The following LOXL1 variants were observed in gnomAD, a reference collection of about 807,000 sequenced individuals.
The protein encoded by LOXL1 is lysyl oxidase homolog 1.
Under a neutral mutation model 62.2 loss-of-function variants are expected in LOXL1, and 31 were observed. The ratio of observed to expected loss-of-function variants is 0.50; its 90% confidence interval spans 0.37 to 0.67. The LOEUF (loss-of-function observed/expected upper bound fraction) is 0.67, where lower values mean the gene tolerates loss of function less well. LOXL1 is among the 30% of genes least tolerant of loss of function. The probability of loss-of-function intolerance (pLI) is 0.00; values close to 1 mark genes in which losing one functional copy is unlikely to be tolerated. For missense variants in LOXL1, 775 were observed against 843.4 expected (o/e 0.92, Z 1.00); for synonymous variants, 403 against 384.4 (o/e 1.05, Z -0.56).
At position 73,946,647 on chromosome 15, in the gene LOXL1, G is replaced by A; in HGVS notation, c.1349+93G>A. ...GCTCCCCTCCCACCATGAGCACTCT[G>A]GGAGACACAGATACTGGATTAGAGG... On this transcript the variant is annotated intron_variant, in intron 3 of 6. Transcript: ENST00000261921. The A allele has an allele frequency of 2.1e-6, 3 of 1,425,268 alleles. No homozygotes were observed. The South Asian group carries it at 3.9e-5, about 19-fold the overall frequency. 88.3% of individuals were successfully genotyped at this position (1,425,268 alleles called of 1,614,324 possible).
At chr15:73,946,849 G>A (rs1377995686) in intron 3 of LOXL1, among the ~76,000 whole-genome samples, 1 of 152,242 alleles carries the variant, frequency 6.6e-6, no homozygotes, top group African/African-American at 2.4e-5. Context: ...GCCCAAAAAG[G>A]AAGTGAGGGG....
intron 2 of LOXL1, among the ~76,000 whole-genome samples, chr15:73,944,876 G>C (rs2068737388): frequency 6.6e-6 from 1 of 152,208 alleles, no homozygotes; most frequent in Non-Finnish European, 1.5e-5. Flanking sequence ...CTGGCAGACA[G>C]TCTGAGCCGC....
intron 1 of LOXL1, among the ~76,000 whole-genome samples, chr15:73,938,332 A>G (rs2068690613): frequency 9.0e-6 from 1 of 111,164 alleles, no homozygotes; most frequent in African/African-American, 3.3e-5. Context: ...GATAGATAGA[A>G]CAGGAGGCCA....
At chr15:73,947,945 A>G (rs755218247) in intron 5 of LOXL1, 43 bp downstream of exon 5, 7 of 1,406,624 alleles carry the variant, frequency 5.0e-6, no homozygotes, top group Non-Finnish European at 7.0e-6. Flanking sequence ...CCTGATGTTC[A>G]TGTCCAATGT....
At chr15:73,938,761 A>G (rs1346017839) in intron 1 of LOXL1, among the ~76,000 whole-genome samples, 1 of 152,030 alleles carries the variant, frequency 6.6e-6, no homozygotes, top group African/African-American at 2.4e-5. Context: ...CACGCCTGCA[A>G]TCCCAGGACT....
chr15:73,950,393 TAA>T (rs2068775925), intron 6 of LOXL1, among the ~76,000 whole-genome samples: 1 of 152,134 alleles, frequency 6.6e-6, no homozygotes, highest in Admixed American at 6.5e-5. Flanking sequence ...TATCTTTCCC[TAA>T]AAGTGTGTAC....
intron 1 of LOXL1, among the ~76,000 whole-genome samples, chr15:73,940,763 G>A (rs2068708489): frequency 6.6e-6 from 1 of 152,214 alleles, no homozygotes; most frequent in Non-Finnish European, 1.5e-5. Flanking sequence ...CAGGCACAGG[G>A]CTCAGTGTGT....
intron 5 of LOXL1, 134 bp from the exon 6 acceptor site, chr15:73,949,325 G>A (rs2068768228): frequency 1.4e-6 from 1 of 709,068 alleles, no homozygotes; most frequent in Non-Finnish European, 2.6e-6. Flanking sequence ...CTCTCTAGCA[G>A]TGTGTCTCTG....
intron 1 of LOXL1, among the ~76,000 whole-genome samples, chr15:73,932,772 C>G (rs2068644174): frequency 6.6e-6 from 1 of 152,228 alleles, no homozygotes; most frequent in African/African-American, 2.4e-5. Context: ...AGCGACTTGC[C>G]CTGGAGGCAG....
At position 73,949,441 on chromosome 15, in the gene LOXL1, G is replaced by A. The variant is rs761559141; in HGVS notation, c.1603-18G>A. ...CCCTGACTAGACTCCCTTTCTCCCT[G>A]TTTCTCTTCTTCCTCAGGTGCACGT... is the stretch of plus-strand genomic sequence containing the variant. On this transcript the variant is annotated intron_variant, in intron 5 of 6. Transcript: ENST00000261921. The A allele has an allele frequency of 6.7e-7, 1 of 1,493,706 alleles. No homozygotes were observed. The highest frequency in any genetic ancestry group is 9.3e-7 in the Non-Finnish European group (1 of 1,070,046). The allele number at this position is 1,493,706 out of a possible 1,614,324, so 92.5% of individuals were successfully genotyped here.
Position 73,951,847 on chromosome 15 carries a change from G to A in LOXL1, c.*10G>A. On this transcript the variant is annotated 3_prime_UTR_variant, in exon 7 of 7. Coordinates refer to ENST00000261921, the MANE Select transcript of LOXL1 (RefSeq NM_005576.4). The stretch of plus-strand genomic sequence containing the variant: ...CTTCCTCAGATCCTGATCTCCGGGA[G>A]GGACAGATGGCCAATCTCTCCCCTT... 1.9e-6 allele frequency: 3 copies of A among 1,543,798 alleles called. No homozygotes were observed. Among genetic ancestry groups the A allele is most frequent in the Non-Finnish European group, 1.8e-6 (2 of 1,140,758 alleles).
At chr15:73,931,305 G>T (rs74026308) in intron 1 of LOXL1, among the ~76,000 whole-genome samples, 31,485 of 151,834 alleles carry the variant, frequency 0.21, 3,725 homozygotes, top group African/African-American at 0.32. Context: ...GGCCAGGAGA[G>T]AACCGCAGCT....
rs973917659 is a variant in LOXL1, at chr15:73,947,871, C to G, written c.1571C>G (p.Thr524Ser). ...ATCGACTGCCAGTGGATCGACATAA[C>G]CGACGTGCAGCCTGGGAACTACATC... ...ADIDCQWIDI[T>S]DVQPGNYILK... is the part of the protein sequence containing the mutation. Residue 524 changes from threonine (T) to serine (S), a missense_variant, in exon 5 of 7, where the codon ACC becomes AGC. Transcript: ENST00000261921. The G allele has an allele frequency of 6.2e-7, 1 of 1,613,888 alleles. No homozygotes were observed. Among genetic ancestry groups the G allele is most frequent in the Admixed American group, 1.7e-5 (1 of 59,992 alleles).
chr15:73,933,638 CAGTAGCTCCCT>C (rs368942573), intron 1 of LOXL1, among the ~76,000 whole-genome samples: 1 of 152,246 alleles, frequency 6.6e-6, no homozygotes, highest in Non-Finnish European at 1.5e-5. Context: ...TACCCCTCTC[CAGTAGCTCCCT>C]AGTAGCTCCT....
At chr15:73,931,089 C>A (rs28588430) in intron 1 of LOXL1, among the ~76,000 whole-genome samples, 1 of 151,698 alleles carries the variant, frequency 6.6e-6, no homozygotes, top group Non-Finnish European at 1.5e-5. Flanking sequence ...TTAGTGCCAC[C>A]TAAGAAGCCC....
chr15:73,932,942 A>G (rs1047011393), intron 1 of LOXL1, among the ~76,000 whole-genome samples: 1 of 152,122 alleles, frequency 6.6e-6, no homozygotes, highest in Non-Finnish European at 1.5e-5. Context: ...TTCTCCTTTG[A>G]GAGTCATCAG....
At position 73,943,159 on chromosome 15, in the gene LOXL1, C is replaced by T. The variant is rs2304719; in HGVS notation, c.1211+197C>T. 0.3 allele frequency among the ~76,000 whole-genome samples: 45,407 copies of T among 152,058 alleles called. 7,076 individuals carry two copies. Among genetic ancestry groups the T allele is most frequent in the South Asian group, 0.39 (1,867 of 4,824 alleles). ...GGAGTCAGGAGGGGAGGGGAGCAAGCGGGGGCCCAGCATTTCTGTATACTG... is the reference window on the plus strand; with the variant it reads ...GGAGTCAGGAGGGGAGGGGAGCAAGTGGGGGCCCAGCATTTCTGTATACTG... On this transcript the variant is annotated intron_variant, in intron 2 of 6. Coordinates refer to ENST00000261921, the MANE Select transcript of LOXL1 (RefSeq NM_005576.4).
chr15:73,927,431 G>A lies in LOXL1; in HGVS notation c.648G>A (p.Ala216=). ...RPAGGGVGAG[A]AAVASAGVIY... ...CGGGCGGCGGCGTGGGCGCGGGGGC[G>A]GCGGCCGTGGCCTCGGCGGGGGTCA... Residue 216 remains alanine (A), a synonymous_variant, in exon 1 of 7, where the codon GCG becomes GCA. Coordinates refer to ENST00000261921, the MANE Select transcript of LOXL1 (RefSeq NM_005576.4). 8.1e-6 allele frequency: 12 copies of A among 1,474,386 alleles called. No individual in the cohort carries two copies. The highest frequency in any genetic ancestry group is 1.1e-5 in the Non-Finnish European group (12 of 1,113,736). 91.3% of individuals were successfully genotyped at this position (1,474,386 alleles called of 1,614,324 possible).
At chr15:73,928,957 C>T (rs1550437) in intron 1 of LOXL1, among the ~76,000 whole-genome samples, 46,572 of 151,748 alleles carry the variant, frequency 0.31, 9,317 homozygotes, top group African/African-American at 0.57. Flanking sequence ...ACAGGACTCC[C>T]TCTGGCTTTT....
Sources: allele counts gnomAD v4.1 joint callset (sites outside exome capture counted in the v4.1 genomes callset), GRCh38; gene constraint gnomAD v4.1.1; transcripts MANE v1.5; gene names NCBI Gene and HGNC (gene_info 2026-07-23, HGNC 2026-07-21).